Variants in CBL observed in about 807,000 individuals in gnomAD.
CBL encodes the protein E3 ubiquitin-protein ligase CBL.
A neutral mutation model predicts 96.9 loss-of-function variants in CBL; 45 were observed. The observed-to-expected ratio is 0.46, with a 90% CI of 0.37 to 0.60. CBL has a LOEUF of 0.60. Ranked by LOEUF, CBL falls within the 20% of genes least tolerant of loss-of-function variation. CBL has a pLI of 0.00. For missense variants in CBL, 1,024 were observed against 1,143.5 expected, an observed-to-expected ratio of 0.90 and a Z score of 1.51; for synonymous variants, 420 against 426.8, an observed-to-expected ratio of 0.98 and a Z score of 0.20.
chr11:119,284,595 A>C (rs1489202082), intron 9 of CBL, among the ~76,000 whole-genome samples: 1 of 152,122 alleles, frequency 6.6e-6, no homozygotes, highest in African/African-American at 2.4e-5. Flanking sequence ...TTTTATATGG[A>C]TTCCTATTTT....
At chr11:119,270,416 T>TTATATATATATATA (rs142299271) in intron 2 of CBL, among the ~76,000 whole-genome samples, 17 of 74,352 alleles carry the variant, frequency 2.3e-4, no homozygotes, top group African/African-American at 8.7e-4. Flanking sequence ...CAGCTAATTT[T>TTATATATATATATA]TATATATATA....
rs148996708 is a variant in CBL, at chr11:119,297,035, G to A, written c.2153+1G>A. Reference sequence around the variant, plus strand: ...CTTTGGATACATCCCAGAGTTCACGGTAGGTTCACAACAACCCTTTTTGGG... The same window carrying A: ...CTTTGGATACATCCCAGAGTTCACGATAGGTTCACAACAACCCTTTTTGGG... On this transcript the variant is annotated splice_donor_variant, in intron 13 of 15. Transcript: ENST00000264033. LOFTEE classifies it high-confidence loss of function. 2.7e-6 allele frequency: 4 copies of A among 1,508,062 alleles called. No homozygotes were observed. Among genetic ancestry groups the A allele is most frequent in the Non-Finnish European group, 3.7e-6 (4 of 1,082,970 alleles). 93.4% of individuals were successfully genotyped at this position (1,508,062 alleles called of 1,614,324 possible).
chr11:119,269,796 C>G (rs889166350), intron 2 of CBL, among the ~76,000 whole-genome samples: 1 of 152,048 alleles, frequency 6.6e-6, no homozygotes, highest in Non-Finnish European at 1.5e-5. Context: ...GAGATCAAGA[C>G]CATCCTGGCT....
At position 119,306,312 on chromosome 11, in the gene CBL, G is replaced by C. The variant is rs1444425209; in HGVS notation, c.*6531G>C. 5 of 398,644 alleles carry C rather than the reference G, an allele frequency of 1.3e-5. No homozygotes were observed. Among genetic ancestry groups the C allele is most frequent in the Non-Finnish European group, 2.2e-5 (5 of 226,078 alleles). 24.7% of individuals were successfully genotyped at this position (398,644 alleles called of 1,614,324 possible). Reference sequence around the variant, plus strand: ...GAGCAAAGCCCAAAAGCCAACCTCAGATCTCCTGATTTGGCAGCTGAAGAA... The same window carrying C: ...GAGCAAAGCCCAAAAGCCAACCTCACATCTCCTGATTTGGCAGCTGAAGAA... On this transcript the variant is annotated 3_prime_UTR_variant, in exon 16 of 16. Coordinates refer to ENST00000264033, the MANE Select transcript of CBL (RefSeq NM_005188.4).
Position 119,214,676 on chromosome 11 carries a change from T to C in CBL, c.195+8064T>C, listed in dbSNP as rs527677714. ...TGCTAGTTACTTTGTGTGGTGATCA[T>C]AGAGGCTTTTGTATACTTTTCCAGT... On this transcript the variant is annotated intron_variant, in intron 1 of 15. Transcript: ENST00000264033. 3.7e-4 allele frequency among the ~76,000 whole-genome samples: 56 copies of C among 152,352 alleles called. 1 individual carries two copies. The South Asian group carries it at 0.011, about 30-fold the overall frequency.
chr11:119,278,977 A>G (rs1949911611), intron 9 of CBL, among the ~76,000 whole-genome samples: 1 of 152,246 alleles, frequency 6.6e-6, no homozygotes. Context: ...GAATTTGCCG[A>G]AGACCACACA....
chr11:119,256,765 A>G (rs1949715292), intron 2 of CBL, among the ~76,000 whole-genome samples: 3 of 149,284 alleles, frequency 2.0e-5, no homozygotes, highest in Non-Finnish European at 4.4e-5. Context: ...ACCAATCTGT[A>G]TGCCTTTATG....
intron 11 of CBL, 53 bp downstream of exon 11, chr11:119,285,619 G>A (rs1949979219): frequency 1.9e-6 from 3 of 1,584,034 alleles, no homozygotes; most frequent in Non-Finnish European, 2.6e-6. Context: ...GTGTGGGCCA[G>A]GCACAGTGGC....
rs199771745 is a variant in CBL at position 119,299,576 on chromosome 11, G to C, written c.2516G>C (p.Ser839Thr). 5.6e-6 allele frequency: 9 copies of C among 1,614,060 alleles called. No homozygotes were observed. In the African/African-American group the frequency reaches 6.7e-5, roughly 12 times the overall value. ...RRINSERKAGSCQQGSGPAAS... is the reference protein window; with the variant it reads ...RRINSERKAGTCQQGSGPAAS... ...ATCAACTCTGAACGGAAAGCTGGCA[G>C]CTGTCAGCAAGGTAGTGGTCCTGCC... is the stretch of plus-strand genomic sequence containing the variant. Residue 839 changes from serine to threonine, a missense_variant, in exon 16 of 16, where the codon AGC becomes ACC. Around this residue, in one of 4 missense-constraint regions of CBL, gnomAD observed 695 missense variants for 661.6 expected, o/e 1.05. Transcript: ENST00000264033.
chr11:119,288,057 T>C, intron 12 of CBL, 111 bp downstream of exon 12: 1 of 734,498 alleles, frequency 1.4e-6, no homozygotes, highest in Non-Finnish European at 2.4e-6. Flanking sequence ...TAAAAATCTC[T>C]GCACCATGTA....
chr11:119,297,136 G>A, intron 13 of CBL, 102 bp downstream of exon 13: 1 of 792,158 alleles, frequency 1.3e-6, no homozygotes, highest in Non-Finnish European at 2.3e-6. Flanking sequence ...TATCCAGTCA[G>A]ATTAAAGCAG....
At chr11:119,258,904 C>T (rs1458831118) in intron 2 of CBL, among the ~76,000 whole-genome samples, 2 of 152,088 alleles carry the variant, frequency 1.3e-5, no homozygotes, top group Non-Finnish European at 2.9e-5. Flanking sequence ...TCTTCCAGTC[C>T]CTGAGCACGA....
At chr11:119,213,952 CTTTTT>C (rs201462035) in intron 1 of CBL, among the ~76,000 whole-genome samples, 1 of 148,612 alleles carries the variant, frequency 6.7e-6, no homozygotes, top group African/African-American at 2.5e-5. Flanking sequence ...CTTTTCTTTT[CTTTTT>C]TTTTGAGACG....
chr11:119,290,293 G>A (rs946450863), intron 12 of CBL, among the ~76,000 whole-genome samples: 7 of 152,098 alleles, frequency 4.6e-5, no homozygotes, highest in East Asian at 3.9e-4. Context: ...AGGTTTGCCC[G>A]CCTTGGCCTC....
rs554366580 is a variant in CBL at position 119,228,240 on chromosome 11, T to C, written c.196-4208T>C. On this transcript the variant is annotated intron_variant, in intron 1 of 15. Coordinates refer to ENST00000264033, the MANE Select transcript of CBL (RefSeq NM_005188.4). ...CTCCCACCTCAGCCTCCTGAGTGACTGGGACCACAGGTGCCCACCACCATG... is the reference window on the plus strand; with the variant it reads ...CTCCCACCTCAGCCTCCTGAGTGACCGGGACCACAGGTGCCCACCACCATG... 2.4e-3 allele frequency among the ~76,000 whole-genome samples: 366 copies of C among 152,340 alleles called. 2 individuals carry two copies. The highest frequency in any genetic ancestry group is 3.9e-3 in the Non-Finnish European group (267 of 68,030).
intron 2 of CBL, among the ~76,000 whole-genome samples, chr11:119,264,879 CATT>C (rs889941206): frequency 1.3e-5 from 2 of 151,984 alleles, no homozygotes; most frequent in African/African-American, 2.4e-5. Context: ...CTTTGTTTTT[CATT>C]ATTATTATTT....
At chr11:119,275,064 G>A in intron 5 of CBL, 111 bp downstream of exon 5, 6 of 1,097,588 alleles carry the variant, frequency 5.5e-6, no homozygotes, top group Non-Finnish European at 6.9e-6. Context: ...CCAAGGTTCT[G>A]CAATAGGATT....
In CBL at chr11:119,303,217, TCTC is replaced by T. The variant is rs1950113484; in HGVS notation, c.*3439_*3441del. On this transcript the variant is annotated 3_prime_UTR_variant, in exon 16 of 16. Coordinates refer to ENST00000264033, the MANE Select transcript of CBL (RefSeq NM_005188.4). ...CAGCAATGGTGATAAAGCAGAATATTCTCCTACCTCACGTCATTAAAGTCAGAA... is the reference window on the plus strand; with the variant it reads ...CAGCAATGGTGATAAAGCAGAATATTCTACCTCACGTCATTAAAGTCAGAA... 8.6e-6 allele frequency: 2 copies of T among 231,738 alleles called. No homozygotes were observed. The highest frequency in any genetic ancestry group is 1.2e-4 in the East Asian group (2 of 16,284). 14.4% of individuals were successfully genotyped at this position (231,738 alleles called of 1,614,324 possible).
At chr11:119,273,219 AG>A (rs1949862015) in intron 3 of CBL, among the ~76,000 whole-genome samples, 1 of 152,066 alleles carries the variant, frequency 6.6e-6, no homozygotes, top group African/African-American at 2.4e-5. Flanking sequence ...GGCCTCTCAA[AG>A]TACTAGGATT....
Sources: allele counts gnomAD v4.1 joint callset (sites outside exome capture counted in the v4.1 genomes callset), GRCh38; gene constraint gnomAD v4.1.1; regional missense constraint gnomAD v4.1.1; transcripts MANE v1.5; gene names NCBI Gene and HGNC (gene_info 2026-07-23, HGNC 2026-07-21).